NTN1: variants seen among roughly 807,000 people sequenced by gnomAD.
NTN1 encodes the protein netrin-1.
NTN1 carries 11 observed loss-of-function variants against 54.2 expected under a neutral mutation model. That is an observed-to-expected ratio of 0.20 (90% CI 0.13 to 0.34). The LOEUF (loss-of-function observed/expected upper bound fraction) is 0.34. Among genes scored for constraint, NTN1 ranks in the 10% least tolerant of loss-of-function variants. The pLI is 1.00. For missense variants in NTN1, 740 were observed against 893.1 expected, an observed-to-expected ratio of 0.83 and a Z score of 2.18; for synonymous variants, 371 against 382.0, an observed-to-expected ratio of 0.97 and a Z score of 0.33.
intron 2 of NTN1, among the ~76,000 whole-genome samples, chr17:9,096,360 G>A (rs2092131822): frequency 8.7e-6 from 1 of 114,852 alleles, no homozygotes; most frequent in Non-Finnish European, 1.8e-5. Context: ...GGGTTTTATG[G>A]GTAGACTTTT....
intron 2 of NTN1, among the ~76,000 whole-genome samples, chr17:9,043,744 C>T (rs1239696552): frequency 6.6e-6 from 1 of 152,012 alleles, no homozygotes; most frequent in Admixed American, 6.6e-5. Flanking sequence ...CCACGCCTGG[C>T]TAATTTTGTG....
intron 2 of NTN1, among the ~76,000 whole-genome samples, chr17:9,074,713 A>G (rs2092043577): frequency 6.6e-6 from 1 of 152,192 alleles, no homozygotes; most frequent in Non-Finnish European, 1.5e-5. Flanking sequence ...TCCAAAGACA[A>G]CATCACCTAG....
At chr17:9,109,242 T>C (rs1463346730) in intron 2 of NTN1, among the ~76,000 whole-genome samples, 1 of 152,212 alleles carries the variant, frequency 6.6e-6, no homozygotes, top group African/African-American at 2.4e-5. Flanking sequence ...GAAATACTTC[T>C]CATTTTCCTT....
At chr17:9,166,191 ACCAC>A (rs2092372858) in intron 3 of NTN1, among the ~76,000 whole-genome samples, 1 of 72,558 alleles carries the variant, frequency 1.4e-5, no homozygotes, top group Non-Finnish European at 2.9e-5. Context: ...CACCACCACC[ACCAC>A]CACCACCACC....
upstream of NTN1, among the ~76,000 whole-genome samples, chr17:9,017,943 C>T (rs569093831): frequency 2.0e-5 from 3 of 152,302 alleles, no homozygotes; most frequent in Admixed American, 2.0e-4. Context: ...TAACTGGGAA[C>T]ATTTTGCCCA....
At chr17:9,112,093 C>G (rs963022602) in intron 2 of NTN1, among the ~76,000 whole-genome samples, 1 of 152,230 alleles carries the variant, frequency 6.6e-6, no homozygotes, top group African/African-American at 2.4e-5. Flanking sequence ...TGAACAGGTA[C>G]AAGCCAGGCG....
intron 2 of NTN1, among the ~76,000 whole-genome samples, chr17:9,037,862 G>A (rs997768470): frequency 6.6e-6 from 1 of 152,160 alleles, no homozygotes; most frequent in Admixed American, 6.5e-5. Flanking sequence ...AGCAGCCAGA[G>A]GTAACTGCCT....
chr17:9,191,427 T>C (rs575421810), intron 5 of NTN1, among the ~76,000 whole-genome samples: 1 of 152,258 alleles, frequency 6.6e-6, no homozygotes, highest in Non-Finnish European at 1.5e-5. Flanking sequence ...GCCATTGCAC[T>C]GCAGCCTGGG....
rs16958060 is a variant in NTN1, at chr17:9,211,041, A to G, written c.1412-10127A>G. Among the ~76,000 whole-genome samples the G allele has an allele frequency of 0.12, 17,525 of 151,962 alleles. 1,170 individuals are homozygous for G. The highest frequency in any genetic ancestry group is 0.18 in the African/African-American group (7,473 of 41,432). ...ATACCTAAGACAATAAAGCAAGAGT[A>G]TAAAAACCAGCCACAGGCCCACCAC... On this transcript the variant is annotated intron_variant, in intron 5 of 6. Coordinates refer to ENST00000173229, the MANE Select transcript of NTN1 (RefSeq NM_004822.3). The surrounding 1 kb of genome is among the most constrained non-coding windows in gnomAD (Gnocchi z 4.4).
At chr17:9,008,723 G>A in the NTN1 span, among the ~76,000 whole-genome samples, 2 of 152,346 alleles carry the variant, frequency 1.3e-5, no homozygotes, top group Non-Finnish European at 2.9e-5. Context: ...ATGGAAGGAA[G>A]AGAGGGCGGG....
chr17:9,193,938 A>AAAAAAAAAAAAAC (rs796452392), intron 5 of NTN1, among the ~76,000 whole-genome samples: 6 of 108,348 alleles, frequency 5.5e-5, no homozygotes, highest in East Asian at 3.0e-4. Context: ...AAAAAAAAAA[A>AAAAAAAAAAAAAC]AAAAAACATT....
At chr17:9,020,298 A>C (rs2091841690), upstream of NTN1, among the ~76,000 whole-genome samples, 1 of 152,222 alleles carries the variant, frequency 6.6e-6, no homozygotes, top group Admixed American at 6.5e-5. Context: ...AAACGAGCAG[A>C]GATTCCGTTC....
At chr17:9,197,047 T>C (rs984675507) in intron 5 of NTN1, among the ~76,000 whole-genome samples, 2 of 150,468 alleles carry the variant, frequency 1.3e-5, no homozygotes, top group African/African-American at 4.9e-5. Flanking sequence ...TTTTTTTTTT[T>C]AGTTCCCCAG....
chr17:9,114,672 T>G (rs1227880055), intron 2 of NTN1, among the ~76,000 whole-genome samples: 2 of 152,158 alleles, frequency 1.3e-5, no homozygotes, highest in African/African-American at 4.8e-5. Context: ...GAGAATCGCT[T>G]GAACCCGGGA....
intron 5 of NTN1, among the ~76,000 whole-genome samples, chr17:9,218,829 C>T (rs1305717993): frequency 2.0e-5 from 3 of 151,644 alleles, no homozygotes; most frequent in Admixed American, 1.3e-4. Flanking sequence ...TGGAGAGGTG[C>T]GCCTTGGCCC....
At chr17:9,133,899 C>CTTTTTT (rs71361867) in intron 2 of NTN1, among the ~76,000 whole-genome samples, 7 of 85,454 alleles carry the variant, frequency 8.2e-5, no homozygotes, top group Admixed American at 1.6e-4. Flanking sequence ...TGGGCCTAGC[C>CTTTTTT]TTTTTTTTTT....
intron 2 of NTN1, among the ~76,000 whole-genome samples, chr17:9,101,055 C>G (rs930423193): frequency 1.3e-5 from 2 of 152,178 alleles, no homozygotes; most frequent in African/African-American, 4.8e-5. Context: ...GACATTTTCT[C>G]TTTATTAAAT....
intron 5 of NTN1, among the ~76,000 whole-genome samples, chr17:9,202,583 T>C (rs1234174770): frequency 6.6e-6 from 1 of 152,146 alleles, no homozygotes; most frequent in Non-Finnish European, 1.5e-5. Flanking sequence ...TCTACCATGG[T>C]GTGACATTGT....
chr17:9,173,538 AGGGAGCAGCCTGGCCCACGCCGT>A (rs150892630), intron 3 of NTN1: 27,178 of 152,444 alleles, frequency 0.18, 3,106 homozygotes, highest in East Asian at 0.46. Context: ...CACAGCAGCC[AGGGAGCAGCCTGGCCCACGCCGT>A]GGGGCCTGTC....
Sources: gnomAD v4.1 joint callset for allele counts (sites outside exome capture counted in the v4.1 genomes callset) on GRCh38, gnomAD v4.1.1 for gene constraint, Gnocchi (gnomAD v3.1) non-coding constraint, MANE v1.5 for transcripts, NCBI Gene and HGNC (gene_info 2026-07-23, HGNC 2026-07-21) for gene names.